PDE7B: variants seen among roughly 807,000 people sequenced by gnomAD.
PDE7B encodes 3',5'-cyclic-AMP phosphodiesterase 7B.
PDE7B carries 29 observed loss-of-function variants against 56.2 expected under a neutral mutation model. That is an observed-to-expected ratio of 0.52 (90% CI 0.38 to 0.70). PDE7B has a LOEUF of 0.70. Among genes scored for constraint, PDE7B ranks in the 30% least tolerant of loss-of-function variants. The pLI, the probability that PDE7B is intolerant of heterozygous loss-of-function variation, is 0.00. For missense variants in PDE7B, 490 were observed against 565.0 expected (o/e 0.87, Z 1.35); for synonymous variants, 197 against 196.9 (o/e 1.00, Z 0.00).
chr6:136,130,829 T>C (rs12212494), intron 3 of PDE7B, among the ~76,000 whole-genome samples: 14 of 152,182 alleles, frequency 9.2e-5, no homozygotes, highest in Non-Finnish European at 2.1e-4. Context: ...ATGAAAGGCA[T>C]GTCTTACATG....
At chr6:135,989,375 A>G (rs1258923797) in intron 2 of PDE7B, among the ~76,000 whole-genome samples, 2 of 152,184 alleles carry the variant, frequency 1.3e-5, no homozygotes, top group African/African-American at 4.8e-5. Context: ...ACACTTTGGA[A>G]GGCAAAGGCA....
intron 8 of PDE7B, among the ~76,000 whole-genome samples, chr6:136,160,875 T>G (rs1332836522): frequency 6.6e-6 from 1 of 152,122 alleles, no homozygotes; most frequent in Non-Finnish European, 1.5e-5. Flanking sequence ...ACATGCTAGG[T>G]GCAGGAGTAT....
chr6:135,931,772 G>A (rs1345388330), intron 1 of PDE7B, among the ~76,000 whole-genome samples: 2 of 152,060 alleles, frequency 1.3e-5, no homozygotes, highest in Non-Finnish European at 2.9e-5. Flanking sequence ...TAAGACTTTA[G>A]GTTTAATACC....
At chr6:135,998,105 T>C (rs1243238333) in intron 2 of PDE7B, among the ~76,000 whole-genome samples, 1 of 152,224 alleles carries the variant, frequency 6.6e-6, no homozygotes, top group African/African-American at 2.4e-5. Context: ...TGTAATGTAT[T>C]TGAAATCACT....
chr6:136,004,591 C>T (rs1188711196), intron 2 of PDE7B, among the ~76,000 whole-genome samples: 23 of 151,464 alleles, frequency 1.5e-4, no homozygotes, highest in African/African-American at 4.6e-4. Flanking sequence ...CATGAGTGAA[C>T]TCCCATTCAC....
intron 3 of PDE7B, among the ~76,000 whole-genome samples, chr6:136,137,998 T>G (rs1778245389): frequency 6.6e-6 from 1 of 152,140 alleles, no homozygotes; most frequent in African/African-American, 2.4e-5. Flanking sequence ...TTTTTATAAC[T>G]ATTCCAAATG....
intron 2 of PDE7B, chr6:136,037,598 ACT>A (rs1776344065): frequency 1.0e-6 from 1 of 985,268 alleles, no homozygotes; most frequent in Non-Finnish European, 1.2e-6. Flanking sequence ...GGCTCTGCAG[ACT>A]CTCAGCTTCC....
At chr6:135,963,676 A>C (rs1774945216) in intron 2 of PDE7B, among the ~76,000 whole-genome samples, 1 of 151,388 alleles carries the variant, frequency 6.6e-6, no homozygotes, top group Non-Finnish European at 1.5e-5. Context: ...GAAAAAATAA[A>C]CATGAGAAAG....
intron 3 of PDE7B, among the ~76,000 whole-genome samples, chr6:136,125,087 A>ATTTT (rs951633336): frequency 2.0e-5 from 3 of 152,168 alleles, no homozygotes; most frequent in Non-Finnish European, 2.9e-5. Flanking sequence ...CTTAAGTCAT[A>ATTTT]TTTTCCAAAT....
At chr6:136,124,742 A>G (rs1445482616) in intron 3 of PDE7B, among the ~76,000 whole-genome samples, 1 of 152,266 alleles carries the variant, frequency 6.6e-6, no homozygotes. Flanking sequence ...ATATTTGTTG[A>G]ATTAATAAAT....
intron 3 of PDE7B, among the ~76,000 whole-genome samples, chr6:136,128,555 AC>A (rs971526344): frequency 6.7e-5 from 10 of 150,068 alleles, no homozygotes; most frequent in East Asian, 3.9e-4. Context: ...GAGAACTGGG[AC>A]CCCCCCACCC....
intron 2 of PDE7B, among the ~76,000 whole-genome samples, chr6:135,997,084 T>TTTG (rs1178328865): frequency 6.6e-6 from 1 of 152,050 alleles, no homozygotes; most frequent in Non-Finnish European, 1.5e-5. Flanking sequence ...TCTCGGTTTT[T>TTTG]TTGTTGTTGT....
intron 1 of PDE7B, among the ~76,000 whole-genome samples, chr6:135,864,720 A>G (rs935133081): frequency 2.0e-5 from 3 of 152,066 alleles, no homozygotes; most frequent in African/African-American, 7.2e-5. Context: ...ATATTGTTTA[A>G]CAATTTTGGA....
intron 2 of PDE7B, among the ~76,000 whole-genome samples, chr6:135,999,884 T>C (rs1375404424): frequency 6.6e-6 from 1 of 152,120 alleles, no homozygotes; most frequent in Non-Finnish European, 1.5e-5. Context: ...CCACCAACAG[T>C]GTATAAGTGT....
chr6:136,043,253 C>G (rs1191911414), intron 2 of PDE7B, among the ~76,000 whole-genome samples: 1 of 152,130 alleles, frequency 6.6e-6, no homozygotes, highest in African/African-American at 2.4e-5. Flanking sequence ...TGAGTCAATA[C>G]TGGAGTACAT....
chr6:135,874,048 G>T (rs1039148896), intron 1 of PDE7B, among the ~76,000 whole-genome samples: 3 of 152,186 alleles, frequency 2.0e-5, no homozygotes, highest in Non-Finnish European at 4.4e-5. Flanking sequence ...GAAAATGCTA[G>T]GGAATGTGGG....
At chr6:136,065,198 T>C (rs955515570) in intron 2 of PDE7B, among the ~76,000 whole-genome samples, 1 of 152,216 alleles carries the variant, frequency 6.6e-6, no homozygotes, top group African/African-American at 2.4e-5. Flanking sequence ...TCAGTTTGCT[T>C]TGAAGATGCC....
intron 2 of PDE7B, among the ~76,000 whole-genome samples, chr6:135,972,647 CTT>C (rs920246918): frequency 6.0e-4 from 92 of 152,250 alleles, no homozygotes; most frequent in African/African-American, 2.1e-3. Flanking sequence ...AAAATAATAA[CTT>C]CAGTGTCTGC....
Position 135,914,202 on chromosome 6 carries a change from T to C in PDE7B, c.22-33262T>C, listed in dbSNP as rs182738245. Among the ~76,000 whole-genome samples, 13 of 152,320 alleles carry C rather than the reference T, an allele frequency of 8.5e-5. 1 individual carries two copies. In the East Asian group the frequency reaches 2.1e-3, roughly 25 times the overall value. Reference sequence around the variant, plus strand: ...AAACTGATGTTGGATATTTAAATTATTTACCTTTTCATTGACATATAATTT... The same window carrying C: ...AAACTGATGTTGGATATTTAAATTACTTACCTTTTCATTGACATATAATTT... On this transcript the variant is annotated intron_variant, in intron 1 of 12. Coordinates refer to ENST00000308191, the MANE Select transcript of PDE7B (RefSeq NM_018945.4).
Sources: allele counts gnomAD v4.1 joint callset (sites outside exome capture counted in the v4.1 genomes callset), GRCh38; gene constraint gnomAD v4.1.1; transcripts MANE v1.5; gene names NCBI Gene and HGNC (gene_info 2026-07-23, HGNC 2026-07-21).